The following DCLK1 variants were observed in gnomAD, a reference collection of about 807,000 sequenced individuals.
DCLK1 encodes serine/threonine-protein kinase DCLK1.
In DCLK1, 16 loss-of-function variants were observed where a neutral mutation model predicts 86.2. That is an observed-to-expected ratio of 0.19 (90% CI 0.13 to 0.28). The LOEUF (loss-of-function observed/expected upper bound fraction) is 0.28, where lower values mean the gene tolerates loss of function less well. DCLK1 is among the 10% of genes least tolerant of loss of function. DCLK1 has a pLI of 1.00. For missense variants in DCLK1, 590 were observed against 940.2 expected, an observed-to-expected ratio of 0.63 and a Z score of 4.87; for synonymous variants, 369 against 370.5, an observed-to-expected ratio of 1.00 and a Z score of 0.05.
chr13:36,085,750 G>A (rs1405795829), intron 3 of DCLK1, among the ~76,000 whole-genome samples: 1 of 152,130 alleles, frequency 6.6e-6, no homozygotes, highest in Non-Finnish European at 1.5e-5. Context: ...CGAGCTCCCT[G>A]GGAGGGAAGG....
intron 4 of DCLK1, among the ~76,000 whole-genome samples, chr13:35,939,939 C>T (rs1876987724): frequency 6.6e-6 from 1 of 152,136 alleles, no homozygotes; most frequent in Non-Finnish European, 1.5e-5. Flanking sequence ...GAATAATATG[C>T]AATATTTAAT....
At chr13:35,983,159 T>A (rs1879746334) in intron 3 of DCLK1, among the ~76,000 whole-genome samples, 2 of 152,126 alleles carry the variant, frequency 1.3e-5, no homozygotes, top group African/African-American at 4.8e-5. Context: ...AGGGTCTCAC[T>A]GTTTTGCCCA....
At chr13:35,974,407 C>G (rs905642341) in intron 3 of DCLK1, among the ~76,000 whole-genome samples, 2 of 152,192 alleles carry the variant, frequency 1.3e-5, no homozygotes, top group Admixed American at 6.5e-5. Context: ...GGTGTCCCAC[C>G]TGCAAGCCTA....
intron 3 of DCLK1, among the ~76,000 whole-genome samples, chr13:35,974,147 G>T (rs1052219483): frequency 6.6e-6 from 1 of 152,174 alleles, no homozygotes; most frequent in Non-Finnish European, 1.5e-5. Flanking sequence ...ACTAACATTC[G>T]TTGAGCATTT....
intron 3 of DCLK1, among the ~76,000 whole-genome samples, chr13:36,055,569 C>T (rs532202202): frequency 1.3e-5 from 2 of 152,244 alleles, no homozygotes; most frequent in African/African-American, 2.4e-5. Context: ...TTCTTTTTGA[C>T]GGGTTCCTGG....
At chr13:35,920,796 C>T (rs1454057345) in intron 4 of DCLK1, among the ~76,000 whole-genome samples, 1 of 152,094 alleles carries the variant, frequency 6.6e-6, no homozygotes. Context: ...CCCATACATA[C>T]ACAGCTGCGT....
intron 4 of DCLK1, among the ~76,000 whole-genome samples, chr13:35,908,612 T>C (rs1346900368): frequency 6.6e-6 from 1 of 152,210 alleles, no homozygotes; most frequent in Non-Finnish European, 1.5e-5. Context: ...GCTCCTATTA[T>C]GGATTTCAGG....
At chr13:36,080,261 A>G (rs1264618484) in intron 3 of DCLK1, among the ~76,000 whole-genome samples, 1 of 152,192 alleles carries the variant, frequency 6.6e-6, no homozygotes, top group Non-Finnish European at 1.5e-5. Context: ...GGAGGGCATA[A>G]GAAAGGAAAG....
At chr13:35,903,431 C>T (rs1482408272) in intron 4 of DCLK1, among the ~76,000 whole-genome samples, 4 of 152,174 alleles carry the variant, frequency 2.6e-5, no homozygotes, top group African/African-American at 4.8e-5. Flanking sequence ...TCCTCTCTCT[C>T]TCTCATTTCT....
At chr13:36,051,049 C>A (rs1225179883) in intron 3 of DCLK1, among the ~76,000 whole-genome samples, 1 of 152,158 alleles carries the variant, frequency 6.6e-6, no homozygotes, top group Non-Finnish European at 1.5e-5. Context: ...TTCACTCCAC[C>A]CCAAACACTA....
chr13:35,859,057 G>A (rs1024124338), intron 5 of DCLK1, among the ~76,000 whole-genome samples: 1 of 151,214 alleles, frequency 6.6e-6, no homozygotes, highest in African/African-American at 2.5e-5. Flanking sequence ...AATGCCAGAA[G>A]TTTCTAAGTG....
chr13:35,799,436 A>T (rs2086876294), intron 15 of DCLK1, among the ~76,000 whole-genome samples: 1 of 152,124 alleles, frequency 6.6e-6, no homozygotes. Flanking sequence ...TTTCTAGTGG[A>T]GACAAGGTTT....
chr13:35,857,699 C>T (rs1222039321), intron 5 of DCLK1, among the ~76,000 whole-genome samples: 1 of 152,196 alleles, frequency 6.6e-6, no homozygotes, highest in Non-Finnish European at 1.5e-5. Flanking sequence ...CAATTGGAAT[C>T]CTAATAACCA....
intron 3 of DCLK1, among the ~76,000 whole-genome samples, chr13:35,966,693 A>G (rs1878758093): frequency 6.6e-6 from 1 of 151,778 alleles, no homozygotes; most frequent in South Asian, 2.1e-4. Context: ...TTTGGTGGAG[A>G]CGGGGTTTCG....
intron 3 of DCLK1, among the ~76,000 whole-genome samples, chr13:36,016,865 A>G (rs1201956635): frequency 6.6e-6 from 1 of 152,210 alleles, no homozygotes; most frequent in Non-Finnish European, 1.5e-5. Flanking sequence ...TTATGGCATG[A>G]AGTCTTTGAC....
intron 3 of DCLK1, among the ~76,000 whole-genome samples, chr13:36,092,711 C>T (rs1216516573): frequency 6.6e-6 from 1 of 151,892 alleles, no homozygotes; most frequent in East Asian, 1.9e-4. Context: ...TGGTCTCGAT[C>T]TCCTGACCTC....
intron 3 of DCLK1, among the ~76,000 whole-genome samples, chr13:36,085,709 C>T (rs66752403): frequency 0.28 from 42,874 of 151,962 alleles, 6,186 homozygotes; most frequent in South Asian, 0.45. Flanking sequence ...TGGGGTAGAC[C>T]GAGAGAATAC....
intron 4 of DCLK1, among the ~76,000 whole-genome samples, chr13:35,891,751 G>A (rs560490352): frequency 2.0e-5 from 3 of 152,232 alleles, no homozygotes; most frequent in South Asian, 4.2e-4. Flanking sequence ...GCTAGGAAAC[G>A]GCTTCATTAG....
chr13:35,827,513 CTGGGCCAATG>C (rs987136503), intron 10 of DCLK1, 112 bp downstream of exon 10: 1 of 1,203,702 alleles, frequency 8.3e-7, no homozygotes, highest in African/African-American at 1.5e-5. Flanking sequence ...TTCCTAATCA[CTGGGCCAATG>C]TACAGAAATG....
Sources: gnomAD v4.1 joint callset for allele counts (sites outside exome capture counted in the v4.1 genomes callset) on GRCh38, gnomAD v4.1.1 for gene constraint, MANE v1.5 for transcripts, NCBI Gene and HGNC (gene_info 2026-07-23, HGNC 2026-07-21) for gene names.